The following SRPK2 variants were observed in gnomAD, a reference collection of about 807,000 sequenced individuals.
The protein encoded by SRPK2 is SFRS protein kinase 2.
SRPK2 carries 21 observed loss-of-function variants against 90.8 expected under a neutral mutation model. The ratio of observed to expected loss-of-function variants is 0.23; its 90% confidence interval spans 0.16 to 0.33. SRPK2 has a LOEUF of 0.33. Ranked by LOEUF, SRPK2 falls within the 10% of genes least tolerant of loss-of-function variation. The pLI is 1.00. For synonymous variants in SRPK2, 288 were observed against 311.1 expected, an observed-to-expected ratio of 0.93 and a Z score of 0.78; for missense variants, 620 against 869.0, an observed-to-expected ratio of 0.71 and a Z score of 3.60.
intron 3 of SRPK2, among the ~76,000 whole-genome samples, chr7:105,172,536 G>A (rs1435362241): frequency 6.6e-6 from 1 of 152,134 alleles, no homozygotes; most frequent in East Asian, 1.9e-4. Context: ...CAGAGACCTA[G>A]TTACATTTTA....
At chr7:105,332,217 C>T (rs1814505303) in intron 2 of SRPK2, among the ~76,000 whole-genome samples, 1 of 152,066 alleles carries the variant, frequency 6.6e-6, no homozygotes, top group South Asian at 2.1e-4. Flanking sequence ...AAAAACTAAA[C>T]AAAACGTGAA....
At chr7:105,274,223 A>G (rs1207128761) in intron 2 of SRPK2, among the ~76,000 whole-genome samples, 2 of 152,110 alleles carry the variant, frequency 1.3e-5, no homozygotes, top group Non-Finnish European at 2.9e-5. Context: ...AGGACCCTCA[A>G]GCCTCCAAAA....
At chr7:105,334,467 C>T (rs943401044) in intron 2 of SRPK2, among the ~76,000 whole-genome samples, 7 of 152,128 alleles carry the variant, frequency 4.6e-5, no homozygotes, top group African/African-American at 1.4e-4. Context: ...ATGATCCACC[C>T]GCCTTAGTCT....
chr7:105,329,795 C>T (rs929351109), intron 2 of SRPK2, among the ~76,000 whole-genome samples: 3 of 151,770 alleles, frequency 2.0e-5, no homozygotes, highest in Admixed American at 1.3e-4. Flanking sequence ...TTTAGGAGGC[C>T]GAGACGGGCA....
intron 3 of SRPK2, among the ~76,000 whole-genome samples, chr7:105,176,273 C>T (rs1026832913): frequency 1.3e-5 from 2 of 152,060 alleles, no homozygotes; most frequent in South Asian, 2.1e-4. Flanking sequence ...CAATATGAAA[C>T]ATTCATTCTT....
intron 2 of SRPK2, among the ~76,000 whole-genome samples, chr7:105,376,696 C>T (rs1480126727): frequency 6.6e-6 from 1 of 151,644 alleles, no homozygotes; most frequent in African/African-American, 2.4e-5. Context: ...CACCACCACT[C>T]CCGGCTAATT....
chr7:105,328,795 G>A, intron 2 of SRPK2, among the ~76,000 whole-genome samples: 1 of 150,754 alleles, frequency 6.6e-6, no homozygotes, highest in East Asian at 2.0e-4. Context: ...AACCTGGGAG[G>A]CAGAGCTTGC....
chr7:105,208,961 AAAC>A (rs1372657078), intron 2 of SRPK2, among the ~76,000 whole-genome samples: 3 of 152,024 alleles, frequency 2.0e-5, no homozygotes, highest in African/African-American at 7.3e-5. Flanking sequence ...ATCTCTACAA[AAAC>A]AACAATAAAT....
intron 2 of SRPK2, among the ~76,000 whole-genome samples, chr7:105,326,032 A>T (rs1813548140): frequency 6.6e-6 from 1 of 152,236 alleles, no homozygotes; most frequent in Non-Finnish European, 1.5e-5. Flanking sequence ...GCACACGGGG[A>T]CACGGGTCTG....
At chr7:105,121,887 A>T (rs750891308) in intron 15 of SRPK2, among the ~76,000 whole-genome samples, 1 of 152,238 alleles carries the variant, frequency 6.6e-6, no homozygotes, top group Non-Finnish European at 1.5e-5. Flanking sequence ...GAAGCCCATG[A>T]GGTTCCACAC....
chr7:105,229,033 C>A (rs1040935171), intron 2 of SRPK2, among the ~76,000 whole-genome samples: 62 of 152,314 alleles, frequency 4.1e-4, no homozygotes, highest in African/African-American at 1.3e-3. Flanking sequence ...ATGGTACAAA[C>A]ACCAACAGCT....
At chr7:105,301,836 G>A in intron 2 of SRPK2, 1 of 1,561,836 alleles carries the variant, frequency 6.4e-7, no homozygotes, top group Non-Finnish European at 8.8e-7. Context: ...ATATGCCAAA[G>A]ACAATAAGAG....
chr7:105,283,926 G>A (rs887594331), intron 2 of SRPK2, among the ~76,000 whole-genome samples: 3 of 152,022 alleles, frequency 2.0e-5, no homozygotes, highest in Non-Finnish European at 2.9e-5. Flanking sequence ...GAAAGTCAAC[G>A]CTATAGTGAG....
At chr7:105,128,865 C>T (rs997389523) in intron 13 of SRPK2, among the ~76,000 whole-genome samples, 2 of 151,948 alleles carry the variant, frequency 1.3e-5, no homozygotes, top group Admixed American at 6.6e-5. Context: ...CAGCTTTGTA[C>T]ATATTTCTTA....
At chr7:105,195,703 C>G (rs1794830710) in intron 3 of SRPK2, among the ~76,000 whole-genome samples, 1 of 152,194 alleles carries the variant, frequency 6.6e-6, no homozygotes, top group African/African-American at 2.4e-5. Flanking sequence ...TTTTTTATAA[C>G]ATCTTTTCTG....
upstream of SRPK2, chr7:105,389,439 C>G (rs753383502): frequency 8.4e-7 from 1 of 1,191,974 alleles, no homozygotes; most frequent in Admixed American, 3.0e-5. Context: ...AACCTGGGTC[C>G]GCGATTAGCG....
chr7:105,354,351 C>T (rs1159338150), intron 2 of SRPK2, among the ~76,000 whole-genome samples: 1 of 152,190 alleles, frequency 6.6e-6, no homozygotes, highest in Admixed American at 6.5e-5. Context: ...GCTCATCCAG[C>T]TCATCCACCC....
upstream of SRPK2, among the ~76,000 whole-genome samples, chr7:105,394,153 T>TC (rs1427311629): frequency 1.3e-5 from 2 of 151,242 alleles, no homozygotes; most frequent in African/African-American, 4.9e-5. Flanking sequence ...TTCTTTTTTT[T>TC]TTTTTTTGAG....
chr7:105,141,974 C>A, intron 11 of SRPK2, 34 bp downstream of exon 11: 1 of 1,575,108 alleles, frequency 6.3e-7, no homozygotes, highest in Non-Finnish European at 8.6e-7. Context: ...CTGGAGTCAG[C>A]GATGGCAGAC....
Sources: gnomAD v4.1 joint callset for allele counts (sites outside exome capture counted in the v4.1 genomes callset) on GRCh38, gnomAD v4.1.1 for gene constraint, MANE v1.5 for transcripts, NCBI Gene and HGNC (gene_info 2026-07-23, HGNC 2026-07-21) for gene names.